JMY: variants seen among roughly 807,000 people sequenced by gnomAD.
The protein encoded by JMY is junction-mediating and -regulatory protein.
A neutral mutation model predicts 103.3 loss-of-function variants in JMY; 46 were observed. That is an observed-to-expected ratio of 0.45 (90% CI 0.35 to 0.57). JMY has a LOEUF of 0.57. Ranked by LOEUF, JMY falls within the 20% of genes least tolerant of loss-of-function variation. The probability of loss-of-function intolerance (pLI) is 0.00; values close to 1 mark genes in which losing one functional copy is unlikely to be tolerated. For synonymous variants in JMY, 526 were observed against 489.3 expected (o/e 1.07, Z -0.99); for missense variants, 1,238 against 1,255.2 (o/e 0.99, Z 0.21).
At chr5:79,260,531 C>G (rs139070546) in intron 1 of JMY, among the ~76,000 whole-genome samples, 1,608 of 151,980 alleles carry the variant, frequency 0.011, 28 homozygotes, top group African/African-American at 0.035. Context: ...TGGGCATGAA[C>G]CACCATACCC....
chr5:79,267,488 C>G (rs1477445402), intron 1 of JMY, among the ~76,000 whole-genome samples: 1 of 134,950 alleles, frequency 7.4e-6, no homozygotes, highest in Admixed American at 7.4e-5. Context: ...TCATATATAG[C>G]CTTTTCAGAT....
At chr5:79,256,422 A>G (rs574735958) in intron 1 of JMY, among the ~76,000 whole-genome samples, 4 of 151,972 alleles carry the variant, frequency 2.6e-5, no homozygotes, top group South Asian at 4.2e-4. Flanking sequence ...TTGGTGTTCT[A>G]CCCCACCGTG....
chr5:79,268,801 A>C (rs1261598841), intron 1 of JMY, among the ~76,000 whole-genome samples: 1 of 152,098 alleles, frequency 6.6e-6, no homozygotes, highest in Non-Finnish European at 1.5e-5. Context: ...ATCTTTTCAC[A>C]TGCTTATTTG....
In JMY at chr5:79,236,802, C is replaced by T. The variant is rs930382426; in HGVS notation, c.152C>T (p.Ala51Val). Residue 51 changes from alanine to valine, a missense_variant, in exon 1 of 11, where the codon GCC becomes GTC. Transcript: ENST00000396137. ...GCCATAACCTGCCACAACCGGACGGCCCAGAGGCAGAGGAGCGGCTCCCGG... is the reference window on the plus strand; with the variant it reads ...GCCATAACCTGCCACAACCGGACGGTCCAGAGGCAGAGGAGCGGCTCCCGG... ...KFAITCHNRT[A>V]QRQRSGSREQ... The T allele has an allele frequency of 1.3e-6, 2 of 1,492,006 alleles. No individual in the cohort carries two copies. The highest frequency in any genetic ancestry group is 2.6e-5 in the South Asian group (2 of 77,260). The allele number at this position is 1,492,006 out of a possible 1,614,324, so 92.4% of individuals were successfully genotyped here.
chr5:79,238,668 G>A (rs144189108), intron 1 of JMY, among the ~76,000 whole-genome samples: 1,161 of 66,352 alleles, frequency 0.017, 16 homozygotes, highest in African/African-American at 0.042. Flanking sequence ...TTTTTTTTTG[G>A]AAGCAGTTTT....
rs55994052 is a variant in JMY at position 79,310,057 on chromosome 5, CTTTTTTTTTTTTTT to C, written c.1969-2333_1969-2320del. On this transcript the variant is annotated intron_variant, in intron 7 of 10. Transcript: ENST00000396137. ...TAGTAAATCGATTATCTTTCTTTTC[CTTTTTTTTTTTTTT>C]TTTTTTTTTTTTGAGATGGAGTCTT... Among the ~76,000 whole-genome samples, 11 of 73,680 alleles carry C rather than the reference CTTTTTTTTTTTTTT, an allele frequency of 1.5e-4. 1 individual carries two copies. Among genetic ancestry groups the C allele is most frequent in the South Asian group, 9.9e-4 (2 of 2,028 alleles). The allele number at this position is 73,680 out of a possible 152,430, so 48.3% of individuals were successfully genotyped here. A position where few individuals can be genotyped will look rare whatever the true frequency, so the allele number is the denominator to read the frequency against.
At chr5:79,272,943 T>C (rs1745827489) in intron 1 of JMY, among the ~76,000 whole-genome samples, 1 of 152,228 alleles carries the variant, frequency 6.6e-6, no homozygotes, top group African/African-American at 2.4e-5. Flanking sequence ...GCCCATCTTA[T>C]ACTTAAGAAC....
rs544085825 is a variant in JMY at position 79,248,656 on chromosome 5, GA to G, written c.1032+10986del. 3.8e-3 allele frequency among the ~76,000 whole-genome samples: 540 copies of G among 142,294 alleles called. 3 individuals carry two copies. The highest frequency in any genetic ancestry group is 0.011 in the African/African-American group (436 of 38,956). The allele number at this position is 142,294 out of a possible 152,430, so 93.4% of individuals were successfully genotyped here. A position where few individuals can be genotyped will look rare whatever the true frequency, so the allele number is the denominator to read the frequency against. On this transcript the variant is annotated intron_variant, in intron 1 of 10. Coordinates refer to ENST00000396137, the MANE Select transcript of JMY (RefSeq NM_152405.5). Reference sequence around the variant, plus strand: ...AATTACCTCACCTCAGTCCCATATAGAAAAAAAAAAAAGTTTCTTACTAACA... The same window carrying G: ...AATTACCTCACCTCAGTCCCATATAGAAAAAAAAAAAGTTTCTTACTAACA...
chr5:79,249,203 G>T (rs1188400284), intron 1 of JMY, among the ~76,000 whole-genome samples: 1 of 152,090 alleles, frequency 6.6e-6, no homozygotes, highest in Non-Finnish European at 1.5e-5. Flanking sequence ...TGTGTTTTTA[G>T]TAGAAATGGA....
chr5:79,241,744 G>A (rs1744749518), intron 1 of JMY, among the ~76,000 whole-genome samples: 2 of 152,214 alleles, frequency 1.3e-5, no homozygotes, highest in Admixed American at 6.5e-5. Context: ...AAATCCAAGT[G>A]AAAGGTGAAA....
At chr5:79,264,570 TA>T (rs1365417349) in intron 1 of JMY, among the ~76,000 whole-genome samples, 1 of 152,074 alleles carries the variant, frequency 6.6e-6, no homozygotes, top group Non-Finnish European at 1.5e-5. Context: ...AAGCAAATAA[TA>T]TTTCATCAGA....
intron 1 of JMY, among the ~76,000 whole-genome samples, chr5:79,248,785 G>C (rs1251931796): frequency 6.6e-6 from 1 of 151,980 alleles, no homozygotes; most frequent in Non-Finnish European, 1.5e-5. Flanking sequence ...AGAGGGTCTT[G>C]TTCTGTCAGC....
In JMY at chr5:79,322,934, C is replaced by T. The variant is rs1747505924; in HGVS notation, c.*1332C>T. 6.6e-6 allele frequency: 1 copy of T among 152,102 alleles called. No individual in the cohort carries two copies. Among genetic ancestry groups the T allele is most frequent in the South Asian group, 2.1e-4 (1 of 4,828 alleles). 9.4% of individuals were successfully genotyped at this position (152,102 alleles called of 1,614,324 possible). A position where few individuals can be genotyped will look rare whatever the true frequency, so the allele number is the denominator to read the frequency against. On this transcript the variant is annotated 3_prime_UTR_variant, in exon 11 of 11. Transcript: ENST00000396137. ...CTAAACCCAGAAAGCAGTACTGGAG[C>T]AAAAGCCCAGTGTATATGAATTGGT...
At chr5:79,286,320 T>G (rs1161472729) in intron 2 of JMY, among the ~76,000 whole-genome samples, 1 of 152,098 alleles carries the variant, frequency 6.6e-6, no homozygotes, top group East Asian at 1.9e-4. Context: ...TTGCCACAGG[T>G]TAAAAAAAAA....
In JMY at chr5:79,314,320, G is replaced by A. The variant is rs1179304132; in HGVS notation, c.2128G>A (p.Gly710Ser). 6.2e-7 allele frequency: 1 copy of A among 1,614,182 alleles called. No homozygotes were observed. Residue 710 changes from glycine (G) to serine (S), a missense_variant, in exon 9 of 11, where the codon GGT becomes AGT. Gly to Ser is a moderately conservative substitution (Grantham distance 56). Coordinates refer to ENST00000396137, the MANE Select transcript of JMY (RefSeq NM_152405.5). ...RLRLAHARRK[G>S]AASPVLQEDH... is the part of the protein sequence containing the mutation. Reference sequence around the variant, plus strand: ...ACGACTAGCTCATGCAAGAAGAAAAGGTGCAGCAAGTCCTGTTCTCCAAGA... The same window carrying A: ...ACGACTAGCTCATGCAAGAAGAAAAAGTGCAGCAAGTCCTGTTCTCCAAGA...
In JMY at chr5:79,258,773, C is replaced by CCG. The variant is rs528771620; in HGVS notation, c.1033-19135_1033-19134dup. On this transcript the variant is annotated intron_variant, in intron 1 of 10. Coordinates refer to ENST00000396137, the MANE Select transcript of JMY (RefSeq NM_152405.5). ...CTGCAGCGCCTTAAAGAGGGTGTCA[C>CCG]CGCTCTGGCTTGGGGAGCTCCTAGG... Among the ~76,000 whole-genome samples the CCG allele has an allele frequency of 4.1e-4, 63 of 152,296 alleles. 1 individual carries two copies. The South Asian group carries it at 0.013, about 32-fold the overall frequency.
chr5:79,315,440 T>A (rs150285065), intron 9 of JMY, among the ~76,000 whole-genome samples: 1 of 152,324 alleles, frequency 6.6e-6, no homozygotes, highest in Non-Finnish European at 1.5e-5. Flanking sequence ...CCTTGCCTTT[T>A]GCCTTTAAGG....
chr5:79,290,794 T>C (rs1746394653), intron 3 of JMY, among the ~76,000 whole-genome samples: 2 of 152,232 alleles, frequency 1.3e-5, no homozygotes, highest in South Asian at 4.2e-4. Flanking sequence ...AAGACCAGCC[T>C]GGCCAAGATG....
chr5:79,260,513 T>G (rs1201851041), intron 1 of JMY, among the ~76,000 whole-genome samples: 1 of 151,678 alleles, frequency 6.6e-6, no homozygotes, highest in Non-Finnish European at 1.5e-5. Flanking sequence ...CCTGAGTAGC[T>G]GGGAATATGG....
Sources: allele counts gnomAD v4.1 joint callset (sites outside exome capture counted in the v4.1 genomes callset), GRCh38; gene constraint gnomAD v4.1.1; transcripts MANE v1.5; gene names NCBI Gene and HGNC (gene_info 2026-07-23, HGNC 2026-07-21).